ATF6: variants seen among roughly 807,000 people sequenced by gnomAD.
ATF6 encodes the protein activating transcription factor 6, also known as cyclic AMP-dependent transcription factor ATF-6 alpha.
In ATF6, 53 loss-of-function variants were observed where a neutral mutation model predicts 83.6. That is an observed-to-expected ratio of 0.63 (90% CI 0.51 to 0.80). The LOEUF is 0.80. Ranked by LOEUF, ATF6 falls within the 30% of genes least tolerant of loss-of-function variation. The pLI, the probability that ATF6 is intolerant of heterozygous loss-of-function variation, is 0.00. For synonymous variants in ATF6, 288 were observed against 285.8 expected (o/e 1.01, Z -0.08); for missense variants, 744 against 797.9 (o/e 0.93, Z 0.81).
At chr1:161,778,195 C>T (rs1571120543) in intron 1 of ATF6, 49 bp from the exon 2 acceptor site, 3 of 1,503,120 alleles carry the variant, frequency 2.0e-6, no homozygotes, top group East Asian at 2.3e-5. Flanking sequence ...GTTTCTTTGT[C>T]AAATAATTGA....
chr1:161,857,551 T>C (rs1329311760), intron 12 of ATF6, among the ~76,000 whole-genome samples: 1 of 152,156 alleles, frequency 6.6e-6, no homozygotes, highest in South Asian at 2.1e-4. Context: ...ACCTGTGCTA[T>C]AAGAAATGCT....
At chr1:161,861,049 G>T (rs1212554035) in intron 13 of ATF6, among the ~76,000 whole-genome samples, 2 of 152,092 alleles carry the variant, frequency 1.3e-5, no homozygotes, top group Non-Finnish European at 2.9e-5. Context: ...ACAAAATGCT[G>T]GCTGCACAGA....
At position 161,781,947 on chromosome 1, in the gene ATF6, T is replaced by G. The variant is rs1684641533; in HGVS notation, c.195T>G (p.Asp65Glu). 11 of 1,611,456 alleles carry G rather than the reference T, an allele frequency of 6.8e-6. No homozygotes were observed. The highest frequency in any genetic ancestry group is 7.6e-6 in the Non-Finnish European group (9 of 1,178,910). Residue 65 changes from aspartate (D) to glutamate (E), a missense_variant, in exon 3 of 16, where the codon GAT becomes GAG. Transcript: ENST00000367942. ...TTGATAATCTTGATTTTGATTTGGA[T>G]TTGATGCCTTGGGAGTCAGACATTT... is the stretch of plus-strand genomic sequence containing the variant. ...NNFDNLDFDL[D>E]LMPWESDIWD...
chr1:161,852,275 A>G (rs1479725289), intron 11 of ATF6, among the ~76,000 whole-genome samples: 1 of 152,196 alleles, frequency 6.6e-6, no homozygotes, highest in Non-Finnish European at 1.5e-5. Flanking sequence ...TAAAACCTCA[A>G]AAACTACCTC....
In ATF6 at chr1:161,962,553, T is replaced by G. The variant is rs911235587; in HGVS notation, c.*3899T>G. The G allele has an allele frequency of 1.4e-4, 22 of 152,244 alleles. No homozygotes were observed. Among genetic ancestry groups the G allele is most frequent in the Admixed American group, 3.9e-4 (6 of 15,286 alleles). The allele number at this position is 152,244 out of a possible 1,614,324, so 9.4% of individuals were successfully genotyped here. ...GGAAAAACTTATAATTGTATTTGAC[T>G]TTCTAACACATTGCAAAGTTTCAAA... On this transcript the variant is annotated 3_prime_UTR_variant, in exon 16 of 16. Coordinates refer to ENST00000367942, the MANE Select transcript of ATF6 (RefSeq NM_007348.4).
chr1:161,892,401 C>T (rs1380464291), intron 14 of ATF6, among the ~76,000 whole-genome samples: 1 of 152,154 alleles, frequency 6.6e-6, no homozygotes, highest in Admixed American at 6.5e-5. Context: ...TGGAAAATGA[C>T]TTCCTTCCAT....
intron 14 of ATF6, among the ~76,000 whole-genome samples, chr1:161,870,810 A>G (rs1329688300): frequency 6.6e-6 from 1 of 151,856 alleles, no homozygotes; most frequent in Admixed American, 6.6e-5. Context: ...GAGAACTTAT[A>G]ACTCAAGAAT....
intron 15 of ATF6, among the ~76,000 whole-genome samples, chr1:161,923,846 A>G (rs1042613707): frequency 1.3e-5 from 2 of 152,214 alleles, no homozygotes; most frequent in Non-Finnish European, 2.9e-5. Flanking sequence ...GTTAGCTTTC[A>G]GTGAGATCAC....
At chr1:161,923,693 A>G (rs2101897247) in intron 15 of ATF6, among the ~76,000 whole-genome samples, 1 of 152,284 alleles carries the variant, frequency 6.6e-6, no homozygotes, top group East Asian at 1.9e-4. Context: ...CTAATTAATT[A>G]TTTAGTTTAT....
chr1:161,904,614 C>CA (rs961255145), intron 14 of ATF6, among the ~76,000 whole-genome samples: 39 of 147,498 alleles, frequency 2.6e-4, no homozygotes, highest in Admixed American at 1.5e-3. Context: ...AAACAAAAAA[C>CA]AAAAAAAACA....
At chr1:161,951,099 T>G (rs923382652) in intron 15 of ATF6, among the ~76,000 whole-genome samples, 2 of 152,182 alleles carry the variant, frequency 1.3e-5, no homozygotes, top group South Asian at 2.1e-4. Flanking sequence ...TAAACTTGAT[T>G]GAAAATATTA....
At chr1:161,900,769 G>C (rs1687769796) in intron 14 of ATF6, among the ~76,000 whole-genome samples, 1 of 152,026 alleles carries the variant, frequency 6.6e-6, no homozygotes, top group Non-Finnish European at 1.5e-5. Context: ...TGTTCATTCT[G>C]TAAGTTTTGT....
chr1:161,805,177 A>C (rs894973358), intron 7 of ATF6, among the ~76,000 whole-genome samples: 4 of 152,104 alleles, frequency 2.6e-5, no homozygotes, highest in Non-Finnish European at 4.4e-5. Flanking sequence ...TTTTTTTAAC[A>C]ATGATATACC....
At chr1:161,810,225 C>T (rs1476256310) in intron 7 of ATF6, among the ~76,000 whole-genome samples, 1 of 152,156 alleles carries the variant, frequency 6.6e-6, no homozygotes, top group Non-Finnish European at 1.5e-5. Flanking sequence ...CATGGTTCTG[C>T]AGGCTGTACA....
chr1:161,802,653 T>G (rs1685185630), intron 7 of ATF6, among the ~76,000 whole-genome samples: 1 of 152,212 alleles, frequency 6.6e-6, no homozygotes, highest in South Asian at 2.1e-4. Context: ...GATCTTCAGA[T>G]AAGAGTCTAT....
At chr1:161,880,674 G>A (rs1687304536) in intron 14 of ATF6, among the ~76,000 whole-genome samples, 2 of 152,072 alleles carry the variant, frequency 1.3e-5, no homozygotes, top group Non-Finnish European at 2.9e-5. Flanking sequence ...ACCTTCTACT[G>A]TTAGCTACTA....
intron 15 of ATF6, among the ~76,000 whole-genome samples, chr1:161,920,290 C>CTTTTTTTTTTTTTT (rs1571237665): frequency 4.0e-5 from 1 of 25,156 alleles, no homozygotes; most frequent in Non-Finnish European, 7.6e-5. Context: ...CTCTCTCTCT[C>CTTTTTTTTTTTTTT]TCTCTTTTTT....
At chr1:161,776,935 G>T (rs1307096114) in intron 1 of ATF6, among the ~76,000 whole-genome samples, 1 of 152,206 alleles carries the variant, frequency 6.6e-6, no homozygotes, top group African/African-American at 2.4e-5. Flanking sequence ...TTAGGGAGAT[G>T]AGGAAGAACC....
intron 14 of ATF6, among the ~76,000 whole-genome samples, chr1:161,884,926 C>G (rs1196587287): frequency 6.6e-6 from 1 of 152,018 alleles, no homozygotes; most frequent in Non-Finnish European, 1.5e-5. Flanking sequence ...AGGAACTCAT[C>G]GTAAATATTT....
Sources: gnomAD v4.1 joint callset for allele counts (sites outside exome capture counted in the v4.1 genomes callset) on GRCh38, gnomAD v4.1.1 for gene constraint, MANE v1.5 for transcripts, NCBI Gene and HGNC (gene_info 2026-07-23, HGNC 2026-07-21) for gene names.